Variants in SYNE2 observed in about 807,000 individuals in gnomAD.
The protein encoded by SYNE2 is spectrin repeat containing nuclear envelope protein 2.
In SYNE2, 431 loss-of-function variants were observed where a neutral mutation model predicts 856.3. The observed-to-expected ratio is 0.50, with a 90% confidence interval of 0.47 to 0.55. The LOEUF (loss-of-function observed/expected upper bound fraction) is 0.55. Among genes scored for constraint, SYNE2 ranks in the 20% least tolerant of loss-of-function variants. The pLI, the probability that SYNE2 is intolerant of heterozygous loss-of-function variation, is 0.00. For missense variants in SYNE2, 8,129 were observed against 8,023.2 expected (o/e 1.01, Z -0.50); for synonymous variants, 2,923 against 2,872.3 (o/e 1.02, Z -0.56).
chr14:63,871,236 A>C (rs1363038065), intron 1 of SYNE2, among the ~76,000 whole-genome samples: 1 of 148,918 alleles, frequency 6.7e-6, no homozygotes, highest in Non-Finnish European at 1.5e-5. Flanking sequence ...ACAGAGTTTC[A>C]CTTTTGTTGC....
chr14:63,939,166 G>T (rs901371530), intron 2 of SYNE2, among the ~76,000 whole-genome samples: 3 of 152,100 alleles, frequency 2.0e-5, no homozygotes, highest in African/African-American at 7.2e-5. Context: ...TGGAAGCTCA[G>T]TTGTTGAGTG....
In SYNE2 at chr14:64,078,516, A is replaced by G; in HGVS notation, c.11073A>G (p.Lys3691=). The change falls in exon 55 of 116, where the codon AAA becomes AAG. Residue 3691 remains lysine, a synonymous_variant. Coordinates refer to ENST00000555002, the MANE Select transcript of SYNE2 (RefSeq NM_182914.3). ...CACCATCATATGCAATGAGGAGAAA[A>G]ATAGAAGAAATTAACAATGGGCTTC... ...KSSPSYAMRR[K]IEEINNGLHN... The G allele has an allele frequency of 6.2e-7, 1 of 1,614,162 alleles. No homozygotes were observed. The highest frequency in any genetic ancestry group is 1.1e-5 in the South Asian group (1 of 91,086).
At chr14:64,185,669 C>T (rs575873807) in intron 96 of SYNE2, among the ~76,000 whole-genome samples, 79 of 151,816 alleles carry the variant, frequency 5.2e-4, no homozygotes, top group East Asian at 2.7e-3. Context: ...TACAGGCGCG[C>T]GCCACCGCAC....
chr14:63,845,822 C>A (rs570981039), intron 1 of SYNE2, among the ~76,000 whole-genome samples: 2 of 150,268 alleles, frequency 1.3e-5, no homozygotes, highest in African/African-American at 4.9e-5. Context: ...CTCACTGCAA[C>A]CTTCACCTCC....
intron 65 of SYNE2, among the ~76,000 whole-genome samples, chr14:64,112,375 C>G (rs1174632674): frequency 6.6e-6 from 1 of 152,152 alleles, no homozygotes; most frequent in East Asian, 1.9e-4. Context: ...GTTTATACAG[C>G]AAAACACAAA....
intron 48 of SYNE2, 73 bp downstream of exon 48, chr14:64,053,730 G>A: frequency 6.8e-7 from 1 of 1,479,314 alleles, no homozygotes; most frequent in Non-Finnish European, 9.2e-7. Context: ...ATTTTGGGAG[G>A]CCAAGGCTGG....
At chr14:63,822,345 A>T (rs763689192) in intron 1 of SYNE2, among the ~76,000 whole-genome samples, 1 of 152,184 alleles carries the variant, frequency 6.6e-6, no homozygotes, top group African/African-American at 2.4e-5. Context: ...TTTTATCCCC[A>T]GAGAATTGTC....
At chr14:64,187,092 T>C (rs2098495523) in intron 97 of SYNE2, among the ~76,000 whole-genome samples, 1 of 152,252 alleles carries the variant, frequency 6.6e-6, no homozygotes, top group Non-Finnish European at 1.5e-5. Flanking sequence ...TCAACTGCTA[T>C]GTTGTCTCAA....
chr14:64,130,203 A>G lies in SYNE2; in HGVS notation c.14295A>G (p.Gln4765=). The G allele has an allele frequency of 6.2e-7, 1 of 1,613,914 alleles. No individual in the cohort carries two copies. Among genetic ancestry groups the G allele is most frequent in the African/African-American group, 1.3e-5 (1 of 75,044 alleles). Residue 4765 remains glutamine (Q), a synonymous_variant, in exon 76 of 116, where the codon CAA becomes CAG. Coordinates refer to ENST00000555002, the MANE Select transcript of SYNE2 (RefSeq NM_182914.3). ...AGCTTGCTCATGGCCACTTAAAACA[A>G]ACCAAAAGTAAAGTGGCGTTACAGG... is the stretch of plus-strand genomic sequence containing the variant. ...KEKLAHGHLK[Q]TKSKVALQAQ...
Position 64,052,491 on chromosome 14 carries a change from A to G in SYNE2, c.8578A>G (p.Arg2860Gly). Residue 2860 changes from arginine (R) to glycine (G), a missense_variant, in exon 48 of 116, where the codon AGG becomes GGG. Coordinates refer to ENST00000555002, the MANE Select transcript of SYNE2 (RefSeq NM_182914.3). ...VQESETLIIP[R>G]VETAATEAEL... ...AGAAAGTGAAACACTGATAATTCCC[A>G]GGGTGGAGACAGCTGCCACGGAAGC... 5.0e-6 allele frequency: 8 copies of G among 1,614,060 alleles called. No individual in the cohort carries two copies. Among genetic ancestry groups the G allele is most frequent in the Non-Finnish European group, 6.8e-6 (8 of 1,179,928 alleles).
chr14:64,218,645 A>C, intron 109 of SYNE2, 133 bp downstream of exon 109: 4 of 822,664 alleles, frequency 4.9e-6, no homozygotes, highest in East Asian at 2.7e-5. Flanking sequence ...ACAACAACCA[A>C]TGTTATTTTT....
At chr14:64,076,139 G>A (rs1052612557) in intron 54 of SYNE2, 39 bp downstream of exon 54, 2 of 1,603,282 alleles carry the variant, frequency 1.2e-6, no homozygotes, top group Admixed American at 1.7e-5. Flanking sequence ...TATTTACGGA[G>A]CTGAATGACT....
In SYNE2 at chr14:64,220,605, G is replaced by C; in HGVS notation, c.20029G>C (p.Gly6677Arg). 5 of 1,614,118 alleles carry C rather than the reference G, an allele frequency of 3.1e-6. No individual in the cohort carries two copies. Among genetic ancestry groups the C allele is most frequent in the Non-Finnish European group, 4.2e-6 (5 of 1,180,034 alleles). Reference sequence around the variant, plus strand: ...ACAGGGCGCAGTGGACAGCTGGAGAGGGGGCTTACGACAGTCGCTCATGCA... The same window carrying C: ...ACAGGGCGCAGTGGACAGCTGGAGACGGGGCTTACGACAGTCGCTCATGCA... The part of the protein sequence containing the change: ...AAQGAVDSWR[G>R]GLRQSLMQCQ... The change falls in exon 111 of 116, where the codon GGG becomes CGG. Residue 6677 changes from glycine (G) to arginine (R), a missense_variant. Around this residue, in one of 3 missense-constraint regions of SYNE2, gnomAD observed 5,410 missense variants for 5,284.8 expected, o/e 1.02. Coordinates refer to ENST00000555002, the MANE Select transcript of SYNE2 (RefSeq NM_182914.3).
chr14:63,840,389 C>CTTTCT (rs1297174587), intron 1 of SYNE2, among the ~76,000 whole-genome samples: 2 of 150,488 alleles, frequency 1.3e-5, no homozygotes, highest in African/African-American at 4.9e-5. Context: ...GTATTTCTTC[C>CTTTCT]TTTCTTTCCT....
intron 1 of SYNE2, among the ~76,000 whole-genome samples, chr14:63,890,369 G>C (rs1566723743): frequency 6.6e-6 from 1 of 152,082 alleles, no homozygotes; most frequent in Non-Finnish European, 1.5e-5. Flanking sequence ...GGCTATTAAG[G>C]GGTTTTAGGA....
chr14:64,019,873 A>G (rs1355204574), intron 34 of SYNE2, 119 bp from the exon 35 acceptor site: 2 of 740,432 alleles, frequency 2.7e-6, no homozygotes, highest in East Asian at 2.7e-5. Flanking sequence ...CAAAACACAC[A>G]TGATTATGGG....
chr14:64,060,225 G>A (rs1376826895), intron 49 of SYNE2, among the ~76,000 whole-genome samples: 2 of 152,106 alleles, frequency 1.3e-5, no homozygotes, highest in African/African-American at 4.8e-5. Flanking sequence ...GGCCTCTCCT[G>A]GTAGCCACCA....
chr14:63,861,302 G>A (rs996524066), intron 1 of SYNE2, among the ~76,000 whole-genome samples: 9 of 151,592 alleles, frequency 5.9e-5, no homozygotes, highest in South Asian at 2.1e-4. Flanking sequence ...GCACCACCAC[G>A]CCCAGCTAAT....
intron 45 of SYNE2, among the ~76,000 whole-genome samples, chr14:64,033,685 C>G (rs1273918341): frequency 6.7e-6 from 1 of 148,930 alleles, no homozygotes; most frequent in Non-Finnish European, 1.5e-5. Flanking sequence ...GACCCTGTCT[C>G]AAGAAAAAAG....
Sources: allele counts gnomAD v4.1 joint callset (sites outside exome capture counted in the v4.1 genomes callset), GRCh38; gene constraint gnomAD v4.1.1; regional missense constraint gnomAD v4.1.1; transcripts MANE v1.5; gene names NCBI Gene and HGNC (gene_info 2026-07-23, HGNC 2026-07-21).